Variants in ZNF804B observed in about 807,000 individuals in gnomAD.
ZNF804B encodes zinc finger protein 804B, also known as zinc finger 804B.
A neutral mutation model predicts 101.4 loss-of-function variants in ZNF804B; 80 were observed. The ratio of observed to expected loss-of-function variants is 0.79; its 90% CI spans 0.66 to 0.95. The LOEUF (loss-of-function observed/expected upper bound fraction) is 0.95, where lower values mean the gene tolerates loss of function less well. Ranked by LOEUF, ZNF804B falls within the 40% of genes least tolerant of loss-of-function variation. The pLI is 0.00. For synonymous variants in ZNF804B, 622 were observed against 558.8 expected, an observed-to-expected ratio of 1.11 and a Z score of -1.59; for missense variants, 1,673 against 1,561.9, an observed-to-expected ratio of 1.07 and a Z score of -1.20.
At chr7:89,220,240 G>A (rs962247666) in intron 2 of ZNF804B, among the ~76,000 whole-genome samples, 1 of 149,408 alleles carries the variant, frequency 6.7e-6, no homozygotes, top group African/African-American at 2.5e-5. Flanking sequence ...ATCCCTAAAC[G>A]TAAGATATAT....
intron 1 of ZNF804B, among the ~76,000 whole-genome samples, chr7:88,939,229 C>T (rs1157789401): frequency 6.6e-6 from 1 of 151,938 alleles, no homozygotes; most frequent in African/African-American, 2.4e-5. Flanking sequence ...TGCATATGAC[C>T]TGTGTGCATC....
At chr7:89,136,723 T>TTG (rs912763845) in intron 1 of ZNF804B, among the ~76,000 whole-genome samples, 7 of 139,310 alleles carry the variant, frequency 5.0e-5, no homozygotes, top group Admixed American at 1.4e-4. Flanking sequence ...TGAATTATAT[T>TTG]TGTGTGTGTG....
intron 1 of ZNF804B, among the ~76,000 whole-genome samples, chr7:89,086,605 A>G (rs1390573060): frequency 6.6e-6 from 1 of 151,982 alleles, no homozygotes. Context: ...TGTTTAATAA[A>G]TTGGGATAAA....
intron 1 of ZNF804B, among the ~76,000 whole-genome samples, chr7:89,096,420 G>A (rs58986092): frequency 1.3e-5 from 2 of 152,050 alleles, no homozygotes; most frequent in African/African-American, 4.8e-5. Flanking sequence ...AGTTGATCCC[G>A]AGACTGATGT....
chr7:88,957,607 A>T (rs779644702), intron 1 of ZNF804B, among the ~76,000 whole-genome samples: 2 of 151,396 alleles, frequency 1.3e-5, no homozygotes, highest in Non-Finnish European at 3.0e-5. Flanking sequence ...GAAGATTGTG[A>T]CTGAAGTTTT....
At chr7:89,314,729 G>A (rs544664892) in intron 2 of ZNF804B, among the ~76,000 whole-genome samples, 81 of 152,314 alleles carry the variant, frequency 5.3e-4, no homozygotes, top group African/African-American at 1.8e-3. Flanking sequence ...CTCAAGGTTA[G>A]TAAGTGACAG....
At chr7:88,932,172 A>T (rs1202011684) in intron 1 of ZNF804B, among the ~76,000 whole-genome samples, 1 of 151,856 alleles carries the variant, frequency 6.6e-6, no homozygotes, top group African/African-American at 2.4e-5. Flanking sequence ...ATGAGCTAAG[A>T]GTATTAAGCT....
intron 2 of ZNF804B, among the ~76,000 whole-genome samples, chr7:89,324,516 C>T (rs1790867749): frequency 6.6e-6 from 1 of 150,640 alleles, no homozygotes; most frequent in African/African-American, 2.4e-5. Flanking sequence ...GTGTTTAGAC[C>T]ATTTACATTT....
At chr7:89,116,932 T>G (rs1210475244) in intron 1 of ZNF804B, among the ~76,000 whole-genome samples, 1 of 152,176 alleles carries the variant, frequency 6.6e-6, no homozygotes, top group Non-Finnish European at 1.5e-5. Context: ...ACTGAGATGT[T>G]ATCCTGATTA....
At chr7:88,761,998 A>G (rs1789905012) in intron 1 of ZNF804B, among the ~76,000 whole-genome samples, 1 of 152,140 alleles carries the variant, frequency 6.6e-6, no homozygotes, top group Non-Finnish European at 1.5e-5. Context: ...CTGGTTGACC[A>G]GGGTTCACCA....
At chr7:89,265,300 G>GCA (rs1491123564) in intron 2 of ZNF804B, among the ~76,000 whole-genome samples, 5 of 72,612 alleles carry the variant, frequency 6.9e-5, no homozygotes, top group Non-Finnish European at 1.0e-4. Context: ...GTGTGCGCGT[G>GCA]CGCGCGCGCA....
intron 2 of ZNF804B, among the ~76,000 whole-genome samples, chr7:89,254,206 A>G (rs956784020): frequency 6.6e-5 from 10 of 152,180 alleles, no homozygotes; most frequent in African/African-American, 1.7e-4. Flanking sequence ...TGCTGTCACT[A>G]TATCTACAAA....
chr7:88,998,107 G>A (rs529735867), intron 1 of ZNF804B, among the ~76,000 whole-genome samples: 31 of 151,998 alleles, frequency 2.0e-4, no homozygotes, highest in African/African-American at 6.3e-4. Flanking sequence ...TCTATCCTGC[G>A]TTGTATACTC....
intron 1 of ZNF804B, among the ~76,000 whole-genome samples, chr7:88,863,185 C>T (rs764070974): frequency 1.3e-5 from 2 of 152,126 alleles, no homozygotes; most frequent in Non-Finnish European, 2.9e-5. Context: ...CATAGCTTTT[C>T]ACATGCTGTT....
intron 2 of ZNF804B, among the ~76,000 whole-genome samples, chr7:89,312,802 A>G (rs1289960243): frequency 2.0e-5 from 3 of 151,656 alleles, no homozygotes; most frequent in African/African-American, 7.3e-5. Flanking sequence ...TAACATAGCA[A>G]CACCTTATCA....
intron 1 of ZNF804B, among the ~76,000 whole-genome samples, chr7:89,197,322 A>G (rs981163697): frequency 9.9e-5 from 15 of 151,950 alleles, no homozygotes; most frequent in African/African-American, 3.4e-4. Flanking sequence ...CAGTTTTAAA[A>G]GTTTTTCCAG....
intron 1 of ZNF804B, among the ~76,000 whole-genome samples, chr7:88,906,513 C>A (rs971178561): frequency 4.6e-5 from 7 of 152,120 alleles, no homozygotes; most frequent in African/African-American, 1.7e-4. Flanking sequence ...TATTCAGGAG[C>A]AAGTTGTTTA....
chr7:89,309,414 T>C (rs1165152040), intron 2 of ZNF804B, among the ~76,000 whole-genome samples: 5 of 152,062 alleles, frequency 3.3e-5, no homozygotes, highest in Admixed American at 3.3e-4. Flanking sequence ...CTGTATTTTA[T>C]TTGGCAGTTC....
chr7:88,862,899 C>A (rs1027714455), intron 1 of ZNF804B, among the ~76,000 whole-genome samples: 18 of 152,182 alleles, frequency 1.2e-4, no homozygotes, highest in African/African-American at 4.3e-4. Flanking sequence ...CCATTTCACA[C>A]CTGTATCAAT....
Sources: allele counts gnomAD v4.1 joint callset (sites outside exome capture counted in the v4.1 genomes callset), GRCh38; gene constraint gnomAD v4.1.1; transcripts MANE v1.5; gene names NCBI Gene and HGNC (gene_info 2026-07-23, HGNC 2026-07-21).